The following PLEKHD1 variants were observed in gnomAD, a reference collection of about 807,000 sequenced individuals.
PLEKHD1 encodes pleckstrin homology and coiled-coil domain containing D1.
PLEKHD1 carries 51 observed loss-of-function variants against 69.2 expected under a neutral mutation model. That is an observed-to-expected ratio of 0.74 (90% confidence interval 0.59 to 0.93). The LOEUF (loss-of-function observed/expected upper bound fraction) is 0.93. PLEKHD1 is among the 40% of genes least tolerant of loss of function. The probability of loss-of-function intolerance (pLI) is 0.00; values close to 1 mark genes in which losing one functional copy is unlikely to be tolerated. For missense variants in PLEKHD1, 584 were observed against 641.0 expected (o/e 0.91, Z 0.96); for synonymous variants, 236 against 244.7 (o/e 0.96, Z 0.33).
intron 1 of PLEKHD1, among the ~76,000 whole-genome samples, chr14:69,491,547 TA>T (rs1200464223): frequency 3.9e-5 from 6 of 152,212 alleles, no homozygotes; most frequent in Non-Finnish European, 7.3e-5. Flanking sequence ...CTCCTACTCC[TA>T]AACTCAGTGG....
chr14:69,527,260 CAG>C lies in PLEKHD1; in HGVS notation c.1130_1131del (p.Gln377ArgfsTer9). Reference sequence around the variant, plus strand: ...AGAAGGGGCCTTGCGAAGCCTGGAACAGGGGCTGAATTCCAAGGTGCGGAATA... The same window carrying C: ...AGAAGGGGCCTTGCGAAGCCTGGAACGGGCTGAATTCCAAGGTGCGGAATA... ...EAEGALRSLE[Q>X]GLNSKVRNKE... On this transcript the variant is annotated frameshift_variant, in exon 11 of 13. Transcript: ENST00000322564. LOFTEE classifies it high-confidence loss of function. 1.3e-6 allele frequency: 2 copies of C among 1,551,808 alleles called. No homozygotes were observed. The highest frequency in any genetic ancestry group is 8.7e-7 in the Non-Finnish European group (1 of 1,147,006).
At chr14:69,499,954 G>T (rs1488220455) in intron 1 of PLEKHD1, among the ~76,000 whole-genome samples, 161 bp from the exon 2 acceptor site, 1 of 152,130 alleles carries the variant, frequency 6.6e-6, no homozygotes, top group Non-Finnish European at 1.5e-5. Context: ...GGCCAGCTGA[G>T]GCCTTTGTGA....
At chr14:69,474,763 T>A in the PLEKHD1 span, among the ~76,000 whole-genome samples, 1 of 152,202 alleles carries the variant, frequency 6.6e-6, no homozygotes, top group Non-Finnish European at 1.5e-5. Context: ...CAAATTCAGT[T>A]TAGTAACAAA....
intron 1 of PLEKHD1, among the ~76,000 whole-genome samples, chr14:69,492,361 C>T (rs1364639872): frequency 6.6e-6 from 1 of 152,326 alleles, no homozygotes; most frequent in Admixed American, 6.5e-5. Context: ...GACCCCTAAA[C>T]CATTGATTCC....
At chr14:69,494,786 G>A (rs374377645) in intron 1 of PLEKHD1, among the ~76,000 whole-genome samples, 1 of 152,220 alleles carries the variant, frequency 6.6e-6, no homozygotes, top group East Asian at 1.9e-4. Context: ...TCTGTGCAGG[G>A]CACTGGTGTT....
intron 1 of PLEKHD1, among the ~76,000 whole-genome samples, chr14:69,494,777 C>T (rs950317041): frequency 3.3e-5 from 5 of 152,220 alleles, no homozygotes; most frequent in African/African-American, 1.2e-4. Context: ...AAGTGTACCT[C>T]TGTGCAGGGC....
At chr14:69,476,342 C>G in the PLEKHD1 span, among the ~76,000 whole-genome samples, 1 of 150,832 alleles carries the variant, frequency 6.6e-6, no homozygotes, top group Non-Finnish European at 1.5e-5. Flanking sequence ...ATCTTTCGAG[C>G]CCAGTAGTTC....
chr14:69,476,557 A>AAAT, the PLEKHD1 span, among the ~76,000 whole-genome samples: 71,874 of 150,908 alleles, frequency 0.48, 17,353 homozygotes, highest in Middle Eastern at 0.59. Context: ...CTATCTCTTA[A>AAAT]AATAATAATA....
intron 10 of PLEKHD1, among the ~76,000 whole-genome samples, 172 bp from the exon 11 acceptor site, chr14:69,527,016 G>A (rs1883667206): frequency 6.6e-6 from 1 of 152,212 alleles, no homozygotes; most frequent in South Asian, 2.1e-4. Context: ...CACCTGCTGG[G>A]TGCAGGTGCC....
intron 6 of PLEKHD1, among the ~76,000 whole-genome samples, chr14:69,509,467 A>C (rs753214590): frequency 3.2e-4 from 49 of 152,310 alleles, no homozygotes; most frequent in Middle Eastern, 3.4e-3. Context: ...CTTTTTGTAG[A>C]CATCACCTAG....
rs1024451533 is a variant in PLEKHD1 at position 69,484,738 on chromosome 14, C to A, written c.-228C>A. The A allele has an allele frequency of 1.2e-5, 6 of 497,114 alleles. No individual in the cohort carries two copies. Among genetic ancestry groups the A allele is most frequent in the South Asian group, 6.1e-5 (2 of 32,862 alleles). 30.8% of individuals were successfully genotyped at this position (497,114 alleles called of 1,614,324 possible). A position where few individuals can be genotyped will look rare whatever the true frequency, so the allele number is the denominator to read the frequency against. ...AGCCACCCTCCCCGCGGAGTTCCCG[C>A]CCGGCCCTCTGCAATCCGGAGCCCA... On this transcript the variant is annotated 5_prime_UTR_variant, in exon 1 of 13. Transcript: ENST00000322564.
rs974869276 is a variant in PLEKHD1, at chr14:69,528,159, G to A, written c.1352-91G>A. 33 of 1,478,386 alleles carry A rather than the reference G, an allele frequency of 2.2e-5. No homozygotes were observed. The South Asian group carries it at 4.2e-4, about 19-fold the overall frequency. The allele number at this position is 1,478,386 out of a possible 1,614,324, so 91.6% of individuals were successfully genotyped here. A position where few individuals can be genotyped will look rare whatever the true frequency, so the allele number is the denominator to read the frequency against. On this transcript the variant is annotated intron_variant, in intron 12 of 12. Coordinates refer to ENST00000322564, the MANE Select transcript of PLEKHD1 (RefSeq NM_001161498.2). The stretch of plus-strand genomic sequence containing the variant: ...CTGGAAGAAGCTTGGCACACATAAA[G>A]GAGTGAGGGGGTGGCATGAGGCTGG...
the PLEKHD1 span, among the ~76,000 whole-genome samples, chr14:69,477,450 C>T: frequency 6.6e-6 from 1 of 152,118 alleles, no homozygotes; most frequent in African/African-American, 2.4e-5. Context: ...CATGCCTTCC[C>T]AACAGTCCCC....
intron 6 of PLEKHD1, among the ~76,000 whole-genome samples, chr14:69,513,533 C>T (rs1883318194): frequency 6.6e-6 from 1 of 152,206 alleles, no homozygotes; most frequent in Non-Finnish European, 1.5e-5. Context: ...TTGGCTAACA[C>T]TCAGCTATTG....
chr14:69,493,455 G>C (rs887554166), intron 1 of PLEKHD1, among the ~76,000 whole-genome samples: 1 of 152,106 alleles, frequency 6.6e-6, no homozygotes, highest in Non-Finnish European at 1.5e-5. Flanking sequence ...AGAAACCTCT[G>C]TGCCTCAGTT....
rs1341940269 is a variant in PLEKHD1 at position 69,502,808 on chromosome 14, T to C, written c.503-19T>C. On this transcript the variant is annotated intron_variant, in intron 5 of 12. Transcript: ENST00000322564. ...TCCTGATTGTGTGTGCATGTGTGTG[T>C]GTGTGCTTGTTTTGGCAGACAAACT... is the stretch of plus-strand genomic sequence containing the variant. The C allele has an allele frequency of 6.4e-7, 1 of 1,551,524 alleles. No individual in the cohort carries two copies. The highest frequency in any genetic ancestry group is 1.7e-4 in the Middle Eastern group (1 of 5,992).
chr14:69,492,722 G>A (rs1882803866), intron 1 of PLEKHD1, among the ~76,000 whole-genome samples: 1 of 152,190 alleles, frequency 6.6e-6, no homozygotes, highest in Non-Finnish European at 1.5e-5. Context: ...ACAGTGTTTA[G>A]CACCTAGCAC....
At chr14:69,472,487 C>T in the PLEKHD1 span, among the ~76,000 whole-genome samples, 1 of 152,150 alleles carries the variant, frequency 6.6e-6, no homozygotes. Context: ...TTTTCGGTAA[C>T]GTTAATCACC....
At chr14:69,472,165 A>G in the PLEKHD1 span, among the ~76,000 whole-genome samples, 1 of 152,178 alleles carries the variant, frequency 6.6e-6, no homozygotes, top group Non-Finnish European at 1.5e-5. Flanking sequence ...ACAACCAGAG[A>G]GAGAATCACA....
Sources: gnomAD v4.1 joint callset for allele counts (sites outside exome capture counted in the v4.1 genomes callset) on GRCh38, gnomAD v4.1.1 for gene constraint, MANE v1.5 for transcripts, NCBI Gene and HGNC (gene_info 2026-07-23, HGNC 2026-07-21) for gene names.